The following MYO3A variants were observed in gnomAD, a reference collection of about 807,000 sequenced individuals.
The protein encoded by MYO3A is myosin-IIIa.
A neutral mutation model predicts 192.7 loss-of-function variants in MYO3A; 180 were observed. The ratio of observed to expected loss-of-function variants is 0.93; its 90% CI spans 0.83 to 1.06. The LOEUF is 1.06. Among genes scored for constraint, MYO3A ranks in the 50% least tolerant of loss-of-function variants. The probability of loss-of-function intolerance (pLI) is 0.00; values close to 1 mark genes in which losing one functional copy is unlikely to be tolerated. For missense variants in MYO3A, 1,896 were observed against 1,905.0 expected (o/e 1.00, Z 0.09); for synonymous variants, 628 against 645.3 (o/e 0.97, Z 0.41).
At chr10:26,128,058 C>T (rs539427282) in intron 19 of MYO3A, among the ~76,000 whole-genome samples, 73 of 152,192 alleles carry the variant, frequency 4.8e-4, no homozygotes, top group Non-Finnish European at 9.4e-4. Context: ...GTTCTAATTG[C>T]TTCCCAAGTT....
At chr10:26,037,877 A>G (rs1843124172) in intron 10 of MYO3A, among the ~76,000 whole-genome samples, 1 of 152,192 alleles carries the variant, frequency 6.6e-6, no homozygotes, top group Non-Finnish European at 1.5e-5. Flanking sequence ...AACAGCAAGG[A>G]GGAAGTCCAC....
At chr10:25,975,789 A>G (rs1169574749) in intron 4 of MYO3A, among the ~76,000 whole-genome samples, 1 of 152,222 alleles carries the variant, frequency 6.6e-6, no homozygotes, top group East Asian at 1.9e-4. Flanking sequence ...TTGTTAAAAC[A>G]TTAAAAATTC....
At chr10:26,025,547 A>G (rs568263270) in intron 9 of MYO3A, among the ~76,000 whole-genome samples, 11 of 152,328 alleles carry the variant, frequency 7.2e-5, no homozygotes, top group African/African-American at 2.6e-4. Flanking sequence ...TACTTTGATA[A>G]GCCTCACTCT....
At chr10:26,013,569 C>G (rs904867636) in intron 6 of MYO3A, among the ~76,000 whole-genome samples, 1 of 151,944 alleles carries the variant, frequency 6.6e-6, no homozygotes, top group Admixed American at 6.6e-5. Context: ...ATGAGATATA[C>G]TACCATAATC....
chr10:26,023,070 ACAACAT>A (rs1457872821), intron 8 of MYO3A: 1 of 152,224 alleles, frequency 6.6e-6, no homozygotes, highest in African/African-American at 2.4e-5. Flanking sequence ...AAGAAACAAA[ACAACAT>A]TTCTGGAGAA....
rs184623863 is a variant in MYO3A at position 26,014,089 on chromosome 10, C to T, written c.509-2731C>T. 7.2e-4 allele frequency among the ~76,000 whole-genome samples: 110 copies of T among 152,002 alleles called. 1 individual carries two copies. The highest frequency in any genetic ancestry group is 2.5e-3 in the African/African-American group (103 of 41,512). ...CTAAGCTGTGAGTATGTATTACATACATGTGTGATGTAATGGACTTTAGAG... is the reference window on the plus strand; with the variant it reads ...CTAAGCTGTGAGTATGTATTACATATATGTGTGATGTAATGGACTTTAGAG... On this transcript the variant is annotated intron_variant, in intron 6 of 34. Coordinates refer to ENST00000642920, the MANE Select transcript of MYO3A (RefSeq NM_017433.5).
intron 17 of MYO3A, among the ~76,000 whole-genome samples, chr10:26,097,670 AATG>A (rs2131566631): frequency 6.6e-6 from 1 of 152,148 alleles, no homozygotes; most frequent in South Asian, 2.1e-4. Context: ...GTTTGCTGAG[AATG>A]ATGGTTTCCA....
chr10:26,209,756 G>C (rs1052917609), intron 34 of MYO3A, among the ~76,000 whole-genome samples: 2 of 152,068 alleles, frequency 1.3e-5, no homozygotes, highest in Admixed American at 1.3e-4. Flanking sequence ...CCAGACCTTT[G>C]CTTTATCAAC....
chr10:26,177,659 C>T (rs1277739745), intron 31 of MYO3A, among the ~76,000 whole-genome samples: 2 of 152,230 alleles, frequency 1.3e-5, no homozygotes, highest in Non-Finnish European at 2.9e-5. Flanking sequence ...CTGCTGACCT[C>T]TGCCCAGAAG....
chr10:26,043,622 C>T (rs757934913), intron 10 of MYO3A, among the ~76,000 whole-genome samples: 2 of 152,194 alleles, frequency 1.3e-5, no homozygotes, highest in Non-Finnish European at 2.9e-5. Context: ...GGGAGTACTG[C>T]CACGCTACCA....
At chr10:25,942,377 G>T (rs1379707603) in intron 2 of MYO3A, among the ~76,000 whole-genome samples, 1 of 152,094 alleles carries the variant, frequency 6.6e-6, no homozygotes, top group Non-Finnish European at 1.5e-5. Flanking sequence ...TCTGTCTTTG[G>T]CTATTGTGAA....
chr10:25,989,318 A>G (rs1468301364), intron 4 of MYO3A, among the ~76,000 whole-genome samples: 1 of 151,390 alleles, frequency 6.6e-6, no homozygotes, highest in African/African-American at 2.4e-5. Flanking sequence ...TTTTCAATCA[A>G]TTGTGAGTAC....
intron 30 of MYO3A, among the ~76,000 whole-genome samples, chr10:26,175,330 A>T (rs976262132): frequency 6.6e-6 from 1 of 152,210 alleles, no homozygotes; most frequent in Non-Finnish European, 1.5e-5. Context: ...CTTTCTAGGC[A>T]TTTAACCTTC....
chr10:26,100,024 G>T (rs889430242), intron 17 of MYO3A, among the ~76,000 whole-genome samples: 18 of 152,184 alleles, frequency 1.2e-4, no homozygotes, highest in Non-Finnish European at 2.5e-4. Context: ...GAATTCGGCT[G>T]TGAATCCATC....
At chr10:26,010,477 G>GT (rs1421725375) in intron 6 of MYO3A, among the ~76,000 whole-genome samples, 8 of 102,990 alleles carry the variant, frequency 7.8e-5, no homozygotes, top group Admixed American at 4.2e-4. Flanking sequence ...TTTTTGTTTT[G>GT]TTTTTTTATG....
intron 26 of MYO3A, among the ~76,000 whole-genome samples, chr10:26,157,792 C>A (rs1841233389): frequency 6.6e-6 from 1 of 152,170 alleles, no homozygotes; most frequent in Non-Finnish European, 1.5e-5. Flanking sequence ...CCTAGCTCAG[C>A]CACTTGCTAT....
At chr10:26,196,045 A>C (rs753431147) in intron 32 of MYO3A, among the ~76,000 whole-genome samples, 3 of 152,260 alleles carry the variant, frequency 2.0e-5, no homozygotes, top group Non-Finnish European at 4.4e-5. Flanking sequence ...TGCGTTTGAC[A>C]GTCACTTTAT....
chr10:26,153,885 A>C lies in MYO3A; in HGVS notation c.2671A>C (p.Asn891His), dbSNP rs1840945480. The C allele has an allele frequency of 6.3e-7, 1 of 1,595,804 alleles. No individual in the cohort carries two copies. The highest frequency in any genetic ancestry group is 8.6e-7 in the Non-Finnish European group (1 of 1,163,726). ...ACATTCTAAAACTAAAAATGTTATA[A>C]ACTATCAAATGAGGACTTCAGAAAA... Reference protein sequence around the residue: ...LPHSKTKNVINYQMRTSEKLI... With the variant: ...LPHSKTKNVIHYQMRTSEKLI... Residue 891 changes from asparagine (N) to histidine (H), a missense_variant, in exon 24 of 35, where the codon AAC (asparagine) becomes CAC (histidine). By Grantham distance (68) the Asn-to-His change is moderately conservative (BLOSUM62 1). Transcript: ENST00000642920.
intron 10 of MYO3A, among the ~76,000 whole-genome samples, chr10:26,043,185 C>CTCTG (rs1448936313): frequency 2.7e-5 from 4 of 149,036 alleles, no homozygotes; most frequent in African/African-American, 9.8e-5. Flanking sequence ...CTCTCTCTCT[C>CTCTG]TGTTCTGAGC....
Sources: allele counts gnomAD v4.1 joint callset (sites outside exome capture counted in the v4.1 genomes callset), GRCh38; gene constraint gnomAD v4.1.1; transcripts MANE v1.5; gene names NCBI Gene and HGNC (gene_info 2026-07-23, HGNC 2026-07-21).